Variants in CADPS observed in about 807,000 individuals in gnomAD.
CADPS encodes the protein calcium-dependent secretion activator 1.
In CADPS, 57 loss-of-function variants were observed where a neutral mutation model predicts 167.3. The ratio of observed to expected loss-of-function variants is 0.34; its 90% CI spans 0.28 to 0.42. CADPS has a LOEUF of 0.42. Ranked by LOEUF, CADPS falls within the 20% of genes least tolerant of loss-of-function variation. The pLI is 1.00. For synonymous variants in CADPS, 676 were observed against 635.3 expected (o/e 1.06, Z -0.96); for missense variants, 1,414 against 1,738.1 (o/e 0.81, Z 3.32).
At chr3:62,709,237 C>T (rs1564134288) in intron 3 of CADPS, among the ~76,000 whole-genome samples, 1 of 152,070 alleles carries the variant, frequency 6.6e-6, no homozygotes, top group African/African-American at 2.4e-5. Context: ...AACAAAACCA[C>T]GTTTCTTCAT....
intron 11 of CADPS, among the ~76,000 whole-genome samples, chr3:62,542,738 T>G (rs1479898185): frequency 6.6e-6 from 1 of 152,192 alleles, no homozygotes; most frequent in Non-Finnish European, 1.5e-5. Context: ...TTAAAACTAC[T>G]ATGGCAATAC....
intron 3 of CADPS, among the ~76,000 whole-genome samples, chr3:62,707,096 G>T (rs534508535): frequency 3.3e-5 from 5 of 152,136 alleles, no homozygotes; most frequent in African/African-American, 1.2e-4. Flanking sequence ...CTCTGGCCAC[G>T]GACCCACTAC....
At chr3:62,527,100 C>T (rs149288587) in intron 13 of CADPS, among the ~76,000 whole-genome samples, 129 of 152,222 alleles carry the variant, frequency 8.5e-4, no homozygotes, top group African/African-American at 3.0e-3. Flanking sequence ...TTTATAAAAT[C>T]CCCACATGAT....
At chr3:62,727,162 A>C (rs1039544052) in intron 3 of CADPS, among the ~76,000 whole-genome samples, 19 of 151,854 alleles carry the variant, frequency 1.3e-4, no homozygotes, top group Admixed American at 1.0e-3. Flanking sequence ...GAGTGCTAGC[A>C]TACACCGAAG....
intron 16 of CADPS, among the ~76,000 whole-genome samples, 180 bp from the exon 17 acceptor site, chr3:62,512,948 CT>C (rs1183642799): frequency 2.0e-5 from 3 of 152,094 alleles, no homozygotes; most frequent in Non-Finnish European, 4.4e-5. Flanking sequence ...AAAAAGGCTC[CT>C]TCACAGAGGT....
rs182243894 is a variant in CADPS, at chr3:62,532,327, C to T, written c.2291+544G>A. 2.0e-5 allele frequency among the ~76,000 whole-genome samples: 3 copies of T among 152,294 alleles called. No individual in the cohort carries two copies. In the East Asian group the frequency reaches 5.8e-4, roughly 29 times the overall value. On this transcript the variant is annotated intron_variant, in intron 13 of 29. Coordinates refer to ENST00000383710, the MANE Select transcript of CADPS (RefSeq NM_003716.4). ...AGTCAGAGCATCAATCTGAATGTAA[C>T]TCTGCCCTTGTTTGATGTCTGGCTT...
At chr3:62,488,164 G>T (rs2063116657) in intron 21 of CADPS, among the ~76,000 whole-genome samples, 2 of 152,156 alleles carry the variant, frequency 1.3e-5, no homozygotes, top group African/African-American at 4.8e-5. Context: ...TTTGGGGTGA[G>T]CTTGATGAGA....
intron 3 of CADPS, among the ~76,000 whole-genome samples, chr3:62,720,415 T>C (rs576317019): frequency 9.6e-4 from 146 of 151,984 alleles, no homozygotes; most frequent in African/African-American, 3.4e-3. Context: ...ATTGAACTCC[T>C]GGGACTTCTA....
chr3:62,707,454 C>A (rs769427385), intron 3 of CADPS, among the ~76,000 whole-genome samples: 1 of 152,134 alleles, frequency 6.6e-6, no homozygotes, highest in Non-Finnish European at 1.5e-5. Context: ...TAACACTCAA[C>A]ACGATGCCTA....
chr3:62,490,461 C>A (rs1576733232), intron 21 of CADPS, among the ~76,000 whole-genome samples: 1 of 152,166 alleles, frequency 6.6e-6, no homozygotes, highest in African/African-American at 2.4e-5. Context: ...CCCTCTGGAG[C>A]CTCAAGTCAA....
chr3:62,493,809 C>A, intron 18 of CADPS, 144 bp from the exon 19 acceptor site: 2 of 658,274 alleles, frequency 3.0e-6, no homozygotes, highest in Admixed American at 3.0e-5. Context: ...GAGATGCTGG[C>A]CTGTCAGCAA....
chr3:62,700,327 A>T (rs2081162367), intron 3 of CADPS, among the ~76,000 whole-genome samples: 1 of 152,104 alleles, frequency 6.6e-6, no homozygotes, highest in Non-Finnish European at 1.5e-5. Flanking sequence ...ATGGTTTGTG[A>T]CACTGAAAAC....
rs2083449861 is a variant in CADPS at position 62,875,259 on chromosome 3, T to C, written c.-230A>G. ...GGGAGGAGGGGAAGGGAGAGGTGCG[T>C]CCGTGGACTCGAGGTGGGCAAGGGG... is the stretch of plus-strand genomic sequence containing the variant. On this transcript the variant is annotated 5_prime_UTR_variant, in exon 1 of 30. Coordinates refer to ENST00000383710, the MANE Select transcript of CADPS (RefSeq NM_003716.4). The C allele has an allele frequency of 2.9e-6, 1 of 345,988 alleles. No individual in the cohort carries two copies. Among genetic ancestry groups the C allele is most frequent in the Non-Finnish European group, 5.0e-6 (1 of 201,942 alleles). The allele number at this position is 345,988 out of a possible 1,614,324, so 21.4% of individuals were successfully genotyped here.
chr3:62,628,903 T>C (rs1849247), intron 6 of CADPS, among the ~76,000 whole-genome samples: 1 of 152,046 alleles, frequency 6.6e-6, no homozygotes, highest in Non-Finnish European at 1.5e-5. Flanking sequence ...GGGATTACAG[T>C]CATGAACCAC....
chr3:62,623,483 T>C (rs2063492426), intron 6 of CADPS, among the ~76,000 whole-genome samples: 1 of 152,156 alleles, frequency 6.6e-6, no homozygotes, highest in South Asian at 2.1e-4. Flanking sequence ...TCAAGTCCTA[T>C]CCCTGGACAC....
intron 1 of CADPS, among the ~76,000 whole-genome samples, chr3:62,821,600 G>T (rs769782371): frequency 5.1e-4 from 77 of 151,926 alleles, no homozygotes; most frequent in Admixed American, 9.2e-4. Flanking sequence ...GTGTTTCTGT[G>T]TCTGTGTCAA....
At chr3:62,428,736 T>A (rs1387703523) in intron 28 of CADPS, among the ~76,000 whole-genome samples, 1 of 152,172 alleles carries the variant, frequency 6.6e-6, no homozygotes, top group Admixed American at 6.5e-5. Context: ...ATACTTTTAG[T>A]GGTAACCTCT....
At chr3:62,821,061 A>C (rs972532929) in intron 1 of CADPS, among the ~76,000 whole-genome samples, 1 of 152,138 alleles carries the variant, frequency 6.6e-6, no homozygotes, top group African/African-American at 2.4e-5. Flanking sequence ...GGCCGCCCAA[A>C]GTGCTGGGAT....
intron 28 of CADPS, among the ~76,000 whole-genome samples, chr3:62,427,788 A>T (rs924890903): frequency 6.6e-6 from 1 of 152,222 alleles, no homozygotes; most frequent in African/African-American, 2.4e-5. Flanking sequence ...CTTCCTTAAA[A>T]GATGATTTTA....
Sources: allele counts gnomAD v4.1 joint callset (sites outside exome capture counted in the v4.1 genomes callset), GRCh38; gene constraint gnomAD v4.1.1; transcripts MANE v1.5; gene names NCBI Gene and HGNC (gene_info 2026-07-23, HGNC 2026-07-21).